NFIB: variants seen among roughly 807,000 people sequenced by gnomAD.
NFIB encodes the protein nuclear factor I B, also known as nuclear factor 1 B-type.
Under a neutral mutation model 61.5 loss-of-function variants are expected in NFIB, and 11 were observed. The ratio of observed to expected loss-of-function variants is 0.18; its 90% CI spans 0.11 to 0.30. The LOEUF (loss-of-function observed/expected upper bound fraction) is 0.30, where lower values mean the gene tolerates loss of function less well. Ranked by LOEUF, NFIB falls within the 10% of genes least tolerant of loss-of-function variation. The probability of loss-of-function intolerance (pLI) is 1.00; values close to 1 mark genes in which losing one functional copy is unlikely to be tolerated. For missense variants in NFIB, 471 were observed against 608.9 expected (o/e 0.77, Z 2.38); for synonymous variants, 260 against 216.5 (o/e 1.20, Z -1.76).
intron 6 of NFIB, among the ~76,000 whole-genome samples, chr9:14,136,667 T>C (rs889978874): frequency 6.6e-5 from 10 of 152,182 alleles, no homozygotes; most frequent in African/African-American, 2.4e-4. Context: ...GTTACTTTAG[T>C]GGATTTACAG....
the NFIB span, among the ~76,000 whole-genome samples, chr9:14,419,136 C>T: frequency 6.6e-6 from 1 of 151,568 alleles, no homozygotes; most frequent in Non-Finnish European, 1.5e-5. Flanking sequence ...AGGTTTGTTG[C>T]ACTAAAGTGG....
At chr9:14,422,606 T>G in the NFIB span, among the ~76,000 whole-genome samples, 1 of 152,234 alleles carries the variant, frequency 6.6e-6, no homozygotes, top group African/African-American at 2.4e-5. Context: ...AAGGCCAGTC[T>G]TGAGACAATA....
intron 10 of NFIB, among the ~76,000 whole-genome samples, chr9:14,100,505 G>A (rs947986819): frequency 2.6e-5 from 4 of 152,012 alleles, no homozygotes; most frequent in East Asian, 1.9e-4. Flanking sequence ...TTAGGAGATC[G>A]AGACCATCCT....
rs1340260939 is a variant in NFIB, at chr9:14,141,828, C to A, written c.925+4861G>T. Among the ~76,000 whole-genome samples, 6 of 150,330 alleles carry A rather than the reference C, an allele frequency of 4.0e-5. No homozygotes were observed. The East Asian group carries it at 9.8e-4, about 25-fold the overall frequency. ...TTTAGAAATCCCCAGCTGAGGGCAA[C>A]CCGCTGGGGTCCCCCTTCCACACTG... On this transcript the variant is annotated intron_variant, in intron 6 of 10. Coordinates refer to ENST00000380953, the MANE Select transcript of NFIB (RefSeq NM_001190737.2).
chr9:14,093,011 G>A (rs1438329197), intron 10 of NFIB, among the ~76,000 whole-genome samples: 2 of 152,004 alleles, frequency 1.3e-5, no homozygotes, highest in African/African-American at 4.8e-5. Flanking sequence ...CATTATGGGA[G>A]TGTGTCTTCT....
chr9:14,134,663 G>A (rs1192824532), intron 6 of NFIB, among the ~76,000 whole-genome samples: 4 of 152,002 alleles, frequency 2.6e-5, no homozygotes, highest in Non-Finnish European at 4.4e-5. Flanking sequence ...AGGCCGAGGC[G>A]GGTGGATCAA....
chr9:14,132,218 T>C (rs926304372), intron 6 of NFIB, among the ~76,000 whole-genome samples: 1 of 152,182 alleles, frequency 6.6e-6, no homozygotes, highest in Non-Finnish European at 1.5e-5. Flanking sequence ...TAGGATAGAA[T>C]AGTCCTATTT....
intron 2 of NFIB, among the ~76,000 whole-genome samples, chr9:14,212,672 C>G (rs1016091247): frequency 6.7e-6 from 1 of 150,066 alleles, no homozygotes; most frequent in Non-Finnish European, 1.5e-5. Flanking sequence ...TCTACACTTA[C>G]AATATTTCAC....
At chr9:14,429,653 G>T in the NFIB span, among the ~76,000 whole-genome samples, 1 of 152,158 alleles carries the variant, frequency 6.6e-6, no homozygotes, top group Non-Finnish European at 1.5e-5. Flanking sequence ...GCAGCTGTTG[G>T]TGGGTAAGCA....
chr9:14,295,626 T>G (rs116524432), intron 2 of NFIB, among the ~76,000 whole-genome samples: 1,333 of 128,742 alleles, frequency 0.01, 21 homozygotes, highest in African/African-American at 0.034. Context: ...GCCAGACTCC[T>G]TCTCAAAAAA....
chr9:14,369,432 C>G (rs2061334564), intron 1 of NFIB, among the ~76,000 whole-genome samples: 1 of 152,148 alleles, frequency 6.6e-6, no homozygotes, highest in Admixed American at 6.5e-5. Context: ...GGGTCCATCT[C>G]ATAGCCAACA....
chr9:14,439,367 C>A, the NFIB span, among the ~76,000 whole-genome samples: 1 of 152,250 alleles, frequency 6.6e-6, no homozygotes, highest in South Asian at 2.1e-4. Flanking sequence ...GAGGCACAGG[C>A]TACTTGAAGG....
chr9:14,190,866 TCAAA>T (rs1261554813), intron 2 of NFIB, among the ~76,000 whole-genome samples: 1 of 152,174 alleles, frequency 6.6e-6, no homozygotes, highest in Non-Finnish European at 1.5e-5. Flanking sequence ...CAATATTCTT[TCAAA>T]CAGTCACTTA....
chr9:14,385,959 G>C (rs1016263874), intron 1 of NFIB, among the ~76,000 whole-genome samples: 3 of 151,666 alleles, frequency 2.0e-5, no homozygotes, highest in Admixed American at 2.0e-4. Context: ...ATTTTTGTAT[G>C]TTCAGTAGAG....
At chr9:14,499,647 G>A in the NFIB span, among the ~76,000 whole-genome samples, 2 of 152,286 alleles carry the variant, frequency 1.3e-5, no homozygotes, top group East Asian at 3.9e-4. Context: ...TAATGCTTGT[G>A]AAGGGGAATT....
intron 1 of NFIB, among the ~76,000 whole-genome samples, chr9:14,350,519 G>A (rs1235532169): frequency 6.6e-6 from 1 of 151,804 alleles, no homozygotes; most frequent in Non-Finnish European, 1.5e-5. Context: ...TGGGGTGGGG[G>A]GGGAAGTTGG....
At chr9:14,203,943 T>TA (rs1004062449) in intron 2 of NFIB, among the ~76,000 whole-genome samples, 1 of 151,672 alleles carries the variant, frequency 6.6e-6, no homozygotes, top group Non-Finnish European at 1.5e-5. Flanking sequence ...AAAAAAATGT[T>TA]AAAAAAAACC....
intron 6 of NFIB, among the ~76,000 whole-genome samples, chr9:14,138,507 A>G (rs1469628852): frequency 6.6e-6 from 1 of 152,130 alleles, no homozygotes; most frequent in Non-Finnish European, 1.5e-5. Flanking sequence ...ATATTAAGAA[A>G]TTAATGTTAT....
chr9:14,337,564 T>C (rs1363927864), intron 1 of NFIB, among the ~76,000 whole-genome samples: 1 of 152,250 alleles, frequency 6.6e-6, no homozygotes, highest in Non-Finnish European at 1.5e-5. Flanking sequence ...ACATTTTATG[T>C]GTATACTCGG....
Sources: allele counts gnomAD v4.1 joint callset (sites outside exome capture counted in the v4.1 genomes callset), GRCh38; gene constraint gnomAD v4.1.1; transcripts MANE v1.5; gene names NCBI Gene and HGNC (gene_info 2026-07-23, HGNC 2026-07-21).